The following ARHGAP26 variants were observed in gnomAD, a reference collection of about 807,000 sequenced individuals.
ARHGAP26 encodes the protein rho GTPase-activating protein 26.
ARHGAP26 carries 38 observed loss-of-function variants against 104.8 expected under a neutral mutation model. That is an observed-to-expected ratio of 0.36 (90% CI 0.28 to 0.48). The LOEUF is 0.48. ARHGAP26 is among the 20% of genes least tolerant of loss of function. The probability of loss-of-function intolerance (pLI) is 0.99; values close to 1 mark genes in which losing one functional copy is unlikely to be tolerated. For synonymous variants in ARHGAP26, 341 were observed against 340.0 expected, an observed-to-expected ratio of 1.00 and a Z score of -0.03; for missense variants, 704 against 947.9, an observed-to-expected ratio of 0.74 and a Z score of 3.38.
At chr5:143,217,181 G>A (rs1599564153) in intron 22 of ARHGAP26, among the ~76,000 whole-genome samples, 1 of 152,158 alleles carries the variant, frequency 6.6e-6, no homozygotes, top group African/African-American at 2.4e-5. Flanking sequence ...ATAAGGAAGA[G>A]GAAAAGGGAG....
intron 20 of ARHGAP26, among the ~76,000 whole-genome samples, chr5:143,193,586 T>C (rs1025832382): frequency 6.6e-6 from 1 of 152,108 alleles, no homozygotes; most frequent in Non-Finnish European, 1.5e-5. Context: ...TTACTTTACT[T>C]AACAGTGGCC....
chr5:143,023,823 A>G (rs993480026), intron 12 of ARHGAP26, among the ~76,000 whole-genome samples: 1 of 152,190 alleles, frequency 6.6e-6, no homozygotes, highest in Non-Finnish European at 1.5e-5. Context: ...GTCTGAGCTG[A>G]TAGAGGACAG....
intron 17 of ARHGAP26, among the ~76,000 whole-genome samples, chr5:143,114,725 G>T (rs3776306): frequency 6.6e-6 from 1 of 152,034 alleles, no homozygotes; most frequent in African/African-American, 2.4e-5. Context: ...TGCATTCCAA[G>T]GTCATGATCC....
At chr5:143,038,712 TTTGA>T in intron 13 of ARHGAP26, among the ~76,000 whole-genome samples, 1 of 65,726 alleles carries the variant, frequency 1.5e-5, no homozygotes, top group Non-Finnish European at 3.3e-5. Context: ...TTTTTTTTTT[TTTGA>T]GACAGAGTCT....
At chr5:143,010,994 A>G (rs1204049506) in intron 11 of ARHGAP26, 1 of 152,202 alleles carries the variant, frequency 6.6e-6, no homozygotes, top group African/African-American at 2.4e-5. Flanking sequence ...GCCGGTCAGC[A>G]TGGATTGCTG....
At chr5:143,070,991 A>G (rs182422057) in intron 17 of ARHGAP26, among the ~76,000 whole-genome samples, 2 of 152,330 alleles carry the variant, frequency 1.3e-5, no homozygotes, top group Admixed American at 1.3e-4. Context: ...ATGGGACCAC[A>G]AAAGACCGTG....
intron 1 of ARHGAP26, among the ~76,000 whole-genome samples, chr5:142,831,036 G>A (rs1363063482): frequency 1.1e-4 from 17 of 152,200 alleles, no homozygotes; most frequent in African/African-American, 2.4e-5. Context: ...AGGAGTGTTT[G>A]TGGGGACTAA....
intron 1 of ARHGAP26, among the ~76,000 whole-genome samples, chr5:142,794,204 C>T (rs1597648949): frequency 2.0e-5 from 3 of 152,326 alleles, no homozygotes; most frequent in South Asian, 2.1e-4. Flanking sequence ...GGGAAGCCCT[C>T]AGCATGGTTC....
In ARHGAP26 at chr5:142,915,327, G is replaced by A. The variant is rs117142668; in HGVS notation, c.1028+2034G>A. ...ATGGCGTGGAGAGATTTCAGTCATG[G>A]TTCAGTTGAGGGGGCTGAATCTCCT... On this transcript the variant is annotated intron_variant, in intron 10 of 22. Coordinates refer to ENST00000645722, the MANE Select transcript of ARHGAP26 (RefSeq NM_001135608.3). Among the ~76,000 whole-genome samples the A allele has an allele frequency of 1.6e-3, 240 of 151,074 alleles. 2 individuals are homozygous for A. The East Asian group carries it at 0.042, about 26-fold the overall frequency.
intron 11 of ARHGAP26, among the ~76,000 whole-genome samples, chr5:142,998,613 A>G (rs906554732): frequency 6.6e-6 from 1 of 152,048 alleles, no homozygotes; most frequent in Non-Finnish European, 1.5e-5. Flanking sequence ...CATACTAACA[A>G]CCTGTTTCAT....
At chr5:143,136,107 A>G (rs991208160) in intron 19 of ARHGAP26, among the ~76,000 whole-genome samples, 12 of 152,198 alleles carry the variant, frequency 7.9e-5, no homozygotes, top group African/African-American at 2.9e-4. Flanking sequence ...CCCTAAGCTT[A>G]AAATAGTGCT....
chr5:142,855,743 G>A (rs1232027979), intron 1 of ARHGAP26, among the ~76,000 whole-genome samples: 1 of 152,144 alleles, frequency 6.6e-6, no homozygotes, highest in Non-Finnish European at 1.5e-5. Flanking sequence ...TGGGAAGACA[G>A]GCTCATGAGC....
chr5:142,988,628 A>G (rs1213567976), intron 11 of ARHGAP26, among the ~76,000 whole-genome samples: 1 of 152,160 alleles, frequency 6.6e-6, no homozygotes. Flanking sequence ...GTGGGCGTTT[A>G]GTGCTATAAG....
At chr5:142,861,180 C>G (rs1449376772) in intron 1 of ARHGAP26, among the ~76,000 whole-genome samples, 2 of 151,920 alleles carry the variant, frequency 1.3e-5, no homozygotes, top group Non-Finnish European at 2.9e-5. Flanking sequence ...TCGTGGGCAC[C>G]TATGAGGAGG....
intron 17 of ARHGAP26, among the ~76,000 whole-genome samples, chr5:143,083,338 C>G (rs770051849): frequency 6.6e-6 from 1 of 152,158 alleles, no homozygotes; most frequent in Non-Finnish European, 1.5e-5. Context: ...ATCTTTGTCT[C>G]GTTTTCTCCC....
rs1755632050 is a variant in ARHGAP26, at chr5:142,873,485, G to A, written c.240G>A (p.Glu80=). Residue 80 remains glutamate, a synonymous_variant, in exon 2 of 23, where the codon GAG becomes GAA. Transcript: ENST00000645722. ...QCIGDAETDD[E]MCIARSLQEF... ...TAGGAGATGCAGAAACAGATGATGA[G>A]ATGTGTATAGGTAAGTCATAACTGT... 8.2e-6 allele frequency: 13 copies of A among 1,590,212 alleles called. No homozygotes were observed. The East Asian group carries it at 2.9e-4, about 36-fold the overall frequency.
intron 1 of ARHGAP26, among the ~76,000 whole-genome samples, chr5:142,858,094 T>TGAGAGA (rs1249755991): frequency 4.2e-4 from 53 of 127,246 alleles, no homozygotes; most frequent in Middle Eastern, 4.0e-3. Flanking sequence ...TGTGTGTGTG[T>TGAGAGA]GAGAGAGAGA....
At chr5:142,973,043 A>G (rs183531351) in intron 11 of ARHGAP26, among the ~76,000 whole-genome samples, 1 of 152,084 alleles carries the variant, frequency 6.6e-6, no homozygotes, top group East Asian at 1.9e-4. Context: ...GTTAATAAGG[A>G]TTGATTTGGG....
intron 1 of ARHGAP26, among the ~76,000 whole-genome samples, chr5:142,841,933 G>C (rs1008355751): frequency 6.6e-6 from 1 of 152,158 alleles, no homozygotes; most frequent in Non-Finnish European, 1.5e-5. Flanking sequence ...TCTGCTCTTG[G>C]TTTAGGGGTT....
Sources: gnomAD v4.1 joint callset for allele counts (sites outside exome capture counted in the v4.1 genomes callset) on GRCh38, gnomAD v4.1.1 for gene constraint, MANE v1.5 for transcripts, NCBI Gene and HGNC (gene_info 2026-07-23, HGNC 2026-07-21) for gene names.